Variants in BRMS1L observed in about 807,000 individuals in gnomAD.
BRMS1L encodes BRMS1 like transcriptional repressor.
In BRMS1L, 23 loss-of-function variants were observed where a neutral mutation model predicts 50.3. The observed-to-expected ratio is 0.46, with a 90% CI of 0.33 to 0.65. BRMS1L has a LOEUF of 0.65. Ranked by LOEUF, BRMS1L falls within the 30% of genes least tolerant of loss-of-function variation. The probability of loss-of-function intolerance (pLI) is 0.02; values close to 1 mark genes in which losing one functional copy is unlikely to be tolerated. For missense variants in BRMS1L, 286 were observed against 386.1 expected (o/e 0.74, Z 2.17); for synonymous variants, 114 against 126.9 (o/e 0.90, Z 0.69).
At chr14:35,869,290 C>T (rs2078458957) in intron 9 of BRMS1L, among the ~76,000 whole-genome samples, 1 of 152,050 alleles carries the variant, frequency 6.6e-6, no homozygotes, top group Admixed American at 6.6e-5. Flanking sequence ...ATAGATCTTT[C>T]CTGTAGTAAT....
chr14:35,837,161 A>G (rs2142041102), intron 4 of BRMS1L, among the ~76,000 whole-genome samples: 1 of 152,226 alleles, frequency 6.6e-6, no homozygotes, highest in Non-Finnish European at 1.5e-5. Flanking sequence ...AGTCTGAGAC[A>G]GGAGAATTGC....
chr14:35,836,716 T>C (rs1016367621), intron 4 of BRMS1L, among the ~76,000 whole-genome samples: 1 of 152,216 alleles, frequency 6.6e-6, no homozygotes, highest in Non-Finnish European at 1.5e-5. Flanking sequence ...ATATTTAGAT[T>C]GCAAAACTAC....
In BRMS1L at chr14:35,835,787, G is replaced by C. The variant is rs181738165; in HGVS notation, c.441+864G>C. Among the ~76,000 whole-genome samples, 930 of 152,334 alleles carry C rather than the reference G, an allele frequency of 6.1e-3. 19 individuals are homozygous for C. The highest frequency in any genetic ancestry group is 0.045 in the Admixed American group (688 of 15,294). The stretch of plus-strand genomic sequence containing the variant: ...TTGACCTTCGGAGGTTGAGGCTGCA[G>C]TGAGCTGTGATTGTGCCACTGTTCT... On this transcript the variant is annotated intron_variant, in intron 4 of 9. Transcript: ENST00000216807.
intron 4 of BRMS1L, among the ~76,000 whole-genome samples, chr14:35,852,802 G>A (rs1360450901): frequency 3.3e-5 from 5 of 152,082 alleles, no homozygotes; most frequent in Admixed American, 3.3e-4. Context: ...GCGGTGGCGG[G>A]CACCTGTAAT....
At chr14:35,857,355 G>A (rs1483282566) in intron 4 of BRMS1L, among the ~76,000 whole-genome samples, 4 of 150,992 alleles carry the variant, frequency 2.6e-5, no homozygotes, top group Admixed American at 2.0e-4. Flanking sequence ...ATTTTTGAAG[G>A]CATAGCCTTA....
At chr14:35,864,824 G>C (rs12890607) in intron 6 of BRMS1L, 111 bp from the exon 7 acceptor site, 423,984 of 775,334 alleles carry the variant, frequency 0.55, 129,380 homozygotes, top group Non-Finnish European at 0.66. Flanking sequence ...AATTTAGGAT[G>C]CCAAAGCATT....
chr14:35,849,130 C>T (rs1194792888), intron 4 of BRMS1L, among the ~76,000 whole-genome samples: 2 of 151,912 alleles, frequency 1.3e-5, no homozygotes, highest in Non-Finnish European at 2.9e-5. Context: ...GCTGGGATTA[C>T]AGGCATGAGC....
intron 4 of BRMS1L, among the ~76,000 whole-genome samples, chr14:35,856,803 C>A (rs1475469265): frequency 6.6e-6 from 1 of 152,106 alleles, no homozygotes; most frequent in Admixed American, 6.6e-5. Context: ...TTAGTAGATA[C>A]AGGGTTTGCC....
intron 4 of BRMS1L, among the ~76,000 whole-genome samples, chr14:35,843,776 C>G (rs1004960768): frequency 1.3e-5 from 2 of 152,260 alleles, no homozygotes; most frequent in Non-Finnish European, 2.9e-5. Flanking sequence ...TTTGCTGAAG[C>G]TGCGCCCATA....
intron 4 of BRMS1L, among the ~76,000 whole-genome samples, chr14:35,839,346 C>T (rs1301668640): frequency 6.6e-6 from 1 of 152,118 alleles, no homozygotes; most frequent in African/African-American, 2.4e-5. Context: ...ATTGTCTTGG[C>T]TATATGGGCT....
At chr14:35,832,267 G>C (rs2077929484) in intron 2 of BRMS1L, among the ~76,000 whole-genome samples, 1 of 141,546 alleles carries the variant, frequency 7.1e-6, no homozygotes, top group African/African-American at 2.8e-5. Context: ...CATTTTGGGA[G>C]GCTGAGGCGG....
intron 4 of BRMS1L, among the ~76,000 whole-genome samples, chr14:35,858,012 G>GT (rs1210685530): frequency 8.5e-6 from 1 of 118,336 alleles, no homozygotes; most frequent in Non-Finnish European, 1.8e-5. Context: ...CTCAAGAAAA[G>GT]TAAAAAAAAA....
chr14:35,864,811 C>T, intron 6 of BRMS1L, 124 bp from the exon 7 acceptor site: 1 of 702,202 alleles, frequency 1.4e-6, no homozygotes, highest in Non-Finnish European at 2.4e-6. Context: ...AATTTGAAGT[C>T]AGAATTTAGG....
intron 4 of BRMS1L, among the ~76,000 whole-genome samples, chr14:35,843,255 G>A (rs1409914125): frequency 3.3e-5 from 5 of 152,168 alleles, no homozygotes; most frequent in Admixed American, 6.5e-5. Context: ...GAGGAGAAGA[G>A]GCGTTCTGGT....
At chr14:35,860,912 T>TA (rs1404128497) in intron 4 of BRMS1L, among the ~76,000 whole-genome samples, 2 of 152,234 alleles carry the variant, frequency 1.3e-5, no homozygotes, top group African/African-American at 4.8e-5. Context: ...ACCAAACCTA[T>TA]ACTTATGAGT....
intron 4 of BRMS1L, among the ~76,000 whole-genome samples, chr14:35,837,186 C>G (rs1410374565): frequency 6.6e-6 from 1 of 151,452 alleles, no homozygotes; most frequent in Non-Finnish European, 1.5e-5. Flanking sequence ...ACCCAGGAGG[C>G]GGGGGTTGCA....
chr14:35,851,895 G>GT (rs556755192), intron 4 of BRMS1L, among the ~76,000 whole-genome samples: 1 of 152,230 alleles, frequency 6.6e-6, no homozygotes, highest in African/African-American at 2.4e-5. Flanking sequence ...TGAAAAGACT[G>GT]TTTTTTTCCC....
In BRMS1L at chr14:35,826,676, G is replaced by A. The variant is rs143811082; in HGVS notation, c.142+18G>A. The A allele has an allele frequency of 7.4e-4, 1,185 of 1,608,162 alleles. 2 individuals are homozygous for A. The highest frequency in any genetic ancestry group is 3.9e-3 in the Middle Eastern group (22 of 5,684). On this transcript the variant is annotated intron_variant, in intron 1 of 9. Transcript: ENST00000216807. ...TAGCTCAGGTGCGCGACCCACTGCT[G>A]GGACCCTGAGTCCCCGCGCCCAGCG...
intron 4 of BRMS1L, among the ~76,000 whole-genome samples, chr14:35,843,912 C>T (rs1475222243): frequency 2.6e-5 from 4 of 152,234 alleles, no homozygotes; most frequent in Admixed American, 6.5e-5. Context: ...GAGAGGCAGT[C>T]TGGCTACAAT....
Sources: allele counts gnomAD v4.1 joint callset (sites outside exome capture counted in the v4.1 genomes callset), GRCh38; gene constraint gnomAD v4.1.1; transcripts MANE v1.5; gene names NCBI Gene and HGNC (gene_info 2026-07-23, HGNC 2026-07-21).